IRF2: variants seen among roughly 807,000 people sequenced by gnomAD.
The protein encoded by IRF2 is interferon regulatory factor 2.
Under a neutral mutation model 40.6 loss-of-function variants are expected in IRF2, and 15 were observed. The observed-to-expected ratio is 0.37, with a 90% confidence interval of 0.25 to 0.57. IRF2 has a LOEUF of 0.57. Ranked by LOEUF, IRF2 falls within the 20% of genes least tolerant of loss-of-function variation. IRF2 has a pLI of 0.77. For synonymous variants in IRF2, 151 were observed against 165.5 expected, an observed-to-expected ratio of 0.91 and a Z score of 0.67; for missense variants, 317 against 455.7, an observed-to-expected ratio of 0.70 and a Z score of 2.77.
At chr4:184,404,204 T>C (rs931350356) in intron 6 of IRF2, among the ~76,000 whole-genome samples, 5 of 152,108 alleles carry the variant, frequency 3.3e-5, no homozygotes, top group African/African-American at 1.2e-4. Flanking sequence ...GTCACCCAGG[T>C]AGCTGCAGAG....
rs571047561 is a variant in IRF2 at position 184,393,647 on chromosome 4, C to T, written c.695-2898G>A. On this transcript the variant is annotated intron_variant, in intron 7 of 8. Coordinates refer to ENST00000393593, the MANE Select transcript of IRF2 (RefSeq NM_002199.4). ...TAAGAAAAGATACACATGCTCCGAA[C>T]TTATGTTTTCAGCTGACACAAATGC... is the stretch of plus-strand genomic sequence containing the variant. Among the ~76,000 whole-genome samples the T allele has an allele frequency of 2.6e-5, 4 of 152,312 alleles. No homozygotes were observed. In the South Asian group the frequency reaches 8.3e-4, roughly 32 times the overall value.
At chr4:184,436,523 AT>A (rs1738084319) in intron 1 of IRF2, among the ~76,000 whole-genome samples, 2 of 152,250 alleles carry the variant, frequency 1.3e-5, no homozygotes, top group South Asian at 4.1e-4. Context: ...TGTATTATTA[AT>A]TGCCAACTAA....
At chr4:184,410,808 C>T (rs3775555) in intron 5 of IRF2, among the ~76,000 whole-genome samples, 15,296 of 152,272 alleles carry the variant, frequency 0.1, 971 homozygotes, top group South Asian at 0.14. Flanking sequence ...AAGTGTTACA[C>T]ATGATCTACA....
chr4:184,415,394 C>G (rs1737230318), intron 5 of IRF2, among the ~76,000 whole-genome samples: 1 of 152,176 alleles, frequency 6.6e-6, no homozygotes, highest in Non-Finnish European at 1.5e-5. Context: ...CCAGGATGGT[C>G]AAGCCCACCC....
In IRF2 at chr4:184,405,488, G is replaced by A. The variant is rs113503224; in HGVS notation, c.529+2670C>T. ...CCACAGGGAGCTTAACTCGTTCAGA[G>A]TAATTCAAGTTCAAAGACAGGTATG... On this transcript the variant is annotated intron_variant, in intron 6 of 8. Coordinates refer to ENST00000393593, the MANE Select transcript of IRF2 (RefSeq NM_002199.4). 5.8e-3 allele frequency among the ~76,000 whole-genome samples: 885 copies of A among 152,320 alleles called. 3 individuals carry two copies. Among genetic ancestry groups the A allele is most frequent in the Non-Finnish European group, 9.3e-3 (630 of 68,030 alleles).
chr4:184,421,894 G>A (rs992547388), intron 2 of IRF2, among the ~76,000 whole-genome samples: 4 of 152,160 alleles, frequency 2.6e-5, no homozygotes, highest in Non-Finnish European at 5.9e-5. Flanking sequence ...TCAAAATCTC[G>A]TGTTAAAATT....
In IRF2 at chr4:184,441,119, C is replaced by T. The variant is rs547970723; in HGVS notation, c.-6-12049G>A. On this transcript the variant is annotated intron_variant, in intron 1 of 8. Transcript: ENST00000393593. The stretch of plus-strand genomic sequence containing the variant: ...CTGCCTCTAACAGTGAGTTAGCACG[C>T]ATCTTACACTGTCCTAAAGTCACTG... 2.6e-5 allele frequency among the ~76,000 whole-genome samples: 4 copies of T among 152,334 alleles called. No homozygotes were observed. In the East Asian group the frequency reaches 7.7e-4, roughly 29 times the overall value.
intron 1 of IRF2, among the ~76,000 whole-genome samples, chr4:184,456,744 C>A (rs544875885): frequency 6.6e-6 from 1 of 152,350 alleles, no homozygotes; most frequent in East Asian, 1.9e-4. Context: ...TCAGTCACTG[C>A]AACTGAATTC....
In IRF2 at chr4:184,419,666, A is replaced by G. The variant is rs1003820947; in HGVS notation, c.88-98T>C. ...GAAGGTCTAGCCAGCAAGATTCCCCAGCAAGCATCGCTGAATGTGTTGACT... is the reference window on the plus strand; with the variant it reads ...GAAGGTCTAGCCAGCAAGATTCCCCGGCAAGCATCGCTGAATGTGTTGACT... On this transcript the variant is annotated intron_variant, in intron 2 of 8. Transcript: ENST00000393593. The G allele has an allele frequency of 3.8e-6, 3 of 787,878 alleles. No homozygotes were observed. The African/African-American group carries it at 5.2e-5, about 14-fold the overall frequency. 48.8% of individuals were successfully genotyped at this position (787,878 alleles called of 1,614,324 possible).
At chr4:184,436,431 G>A (rs185347851) in intron 1 of IRF2, among the ~76,000 whole-genome samples, 245 of 152,316 alleles carry the variant, frequency 1.6e-3, no homozygotes, top group African/African-American at 5.7e-3. Context: ...AACTGAGGAT[G>A]TGAGAGATAA....
At chr4:184,435,919 T>A (rs555563386) in intron 1 of IRF2, among the ~76,000 whole-genome samples, 2 of 152,254 alleles carry the variant, frequency 1.3e-5, no homozygotes, top group South Asian at 4.1e-4. Context: ...TTGAGGAACA[T>A]AACATTACCC....
intron 7 of IRF2, among the ~76,000 whole-genome samples, chr4:184,391,142 C>T (rs1225106166): frequency 6.6e-6 from 1 of 152,246 alleles, no homozygotes; most frequent in African/African-American, 2.4e-5. Context: ...GGTCTTCCTA[C>T]ATTATCCCCA....
At chr4:184,465,308 G>A (rs890326220) in intron 1 of IRF2, among the ~76,000 whole-genome samples, 1 of 152,190 alleles carries the variant, frequency 6.6e-6, no homozygotes, top group African/African-American at 2.4e-5. Flanking sequence ...GAATGGCCCC[G>A]TCCATGCACA....
At chr4:184,425,793 T>G (rs1737647701) in intron 2 of IRF2, among the ~76,000 whole-genome samples, 2 of 152,064 alleles carry the variant, frequency 1.3e-5, no homozygotes, top group African/African-American at 4.8e-5. Flanking sequence ...ACAAAATAGA[T>G]GGAAGAAAAG....
chr4:184,430,685 C>A (rs954429984), intron 1 of IRF2, among the ~76,000 whole-genome samples: 1 of 152,056 alleles, frequency 6.6e-6, no homozygotes. Context: ...TAAGTTCTAC[C>A]GCAGGAAGAG....
At chr4:184,435,452 G>A (rs1021347143) in intron 1 of IRF2, among the ~76,000 whole-genome samples, 1 of 152,136 alleles carries the variant, frequency 6.6e-6, no homozygotes, top group Non-Finnish European at 1.5e-5. Flanking sequence ...TCTGGTAATG[G>A]TACAGTAGGT....
rs940650914 is a variant in IRF2, at chr4:184,428,243, A to G, written c.87+735T>C. ...AAGAAGGCTTTTTTTAAAGACAAAA[A>G]CAAGCTTTCTTTAAACAGAGAACAT... On this transcript the variant is annotated intron_variant, in intron 2 of 8. Transcript: ENST00000393593. Among the ~76,000 whole-genome samples the G allele has an allele frequency of 2.0e-5, 3 of 152,204 alleles. No individual in the cohort carries two copies. In the South Asian group the frequency reaches 6.2e-4, roughly 32 times the overall value.
intron 1 of IRF2, among the ~76,000 whole-genome samples, chr4:184,445,185 C>A (rs2149910641): frequency 6.6e-6 from 1 of 152,294 alleles, no homozygotes; most frequent in African/African-American, 2.4e-5. Flanking sequence ...TGGAACTGGG[C>A]CTCTGGGGGG....
At chr4:184,464,373 A>G (rs903223029) in intron 1 of IRF2, among the ~76,000 whole-genome samples, 1 of 152,086 alleles carries the variant, frequency 6.6e-6, no homozygotes, top group African/African-American at 2.4e-5. Flanking sequence ...ATATGACATG[A>G]AGGTAGGGAA....
Sources: gnomAD v4.1 joint callset for allele counts (sites outside exome capture counted in the v4.1 genomes callset) on GRCh38, gnomAD v4.1.1 for gene constraint, MANE v1.5 for transcripts, NCBI Gene and HGNC (gene_info 2026-07-23, HGNC 2026-07-21) for gene names.